The following TSEN2 variants were observed in gnomAD, a reference collection of about 807,000 sequenced individuals.
TSEN2 encodes tRNA splicing endonuclease subunit 2.
In TSEN2, 54 loss-of-function variants were observed where a neutral mutation model predicts 59.2. That is an observed-to-expected ratio of 0.91 (90% confidence interval 0.73 to 1.14). The LOEUF (loss-of-function observed/expected upper bound fraction) is 1.14, where lower values mean the gene tolerates loss of function less well. TSEN2 is among the 50% of genes most tolerant of loss of function. The probability of loss-of-function intolerance (pLI) is 0.00; values close to 1 mark genes in which losing one functional copy is unlikely to be tolerated. For synonymous variants in TSEN2, 195 were observed against 198.2 expected (o/e 0.98, Z 0.14); for missense variants, 636 against 576.2 (o/e 1.10, Z -1.06).
chr3:12,523,253 T>G (rs1172206531), intron 8 of TSEN2, among the ~76,000 whole-genome samples: 1 of 152,168 alleles, frequency 6.6e-6, no homozygotes, highest in Non-Finnish European at 1.5e-5. Context: ...CTAAGCCTCC[T>G]TCCCAGCCAA....
chr3:12,515,941 A>G lies in TSEN2; in HGVS notation c.910-670A>G, dbSNP rs548608832. On this transcript the variant is annotated intron_variant, in intron 6 of 11. Transcript: ENST00000284995. Reference sequence around the variant, plus strand: ...TTTAATTTTACAGGGAGAAACTCCAATGAGCAACAGTTTCTATTGCTATAG... The same window carrying G: ...TTTAATTTTACAGGGAGAAACTCCAGTGAGCAACAGTTTCTATTGCTATAG... Among the ~76,000 whole-genome samples, 8 of 152,290 alleles carry G rather than the reference A, an allele frequency of 5.3e-5. No individual in the cohort carries two copies. In the South Asian group the frequency reaches 1.0e-3, roughly 20 times the overall value.
Position 12,532,833 on chromosome 3 carries a change from C to A in TSEN2, c.*112C>A. On this transcript the variant is annotated 3_prime_UTR_variant, in exon 12 of 12. Coordinates refer to ENST00000284995, the MANE Select transcript of TSEN2 (RefSeq NM_025265.4). ...TTCATAAGTTTTAAAGGGCATGGTG[C>A]TCCCAGCACCAGAAAACTATCAGTG... 2 of 969,702 alleles carry A rather than the reference C, an allele frequency of 2.1e-6. No homozygotes were observed. The highest frequency in any genetic ancestry group is 3.3e-6 in the Non-Finnish European group (2 of 615,280). 60.1% of individuals were successfully genotyped at this position (969,702 alleles called of 1,614,324 possible). A position where few individuals can be genotyped will look rare whatever the true frequency, so the allele number is the denominator to read the frequency against.
Position 12,503,538 on chromosome 3 carries a change from G to A in TSEN2, c.585G>A (p.Glu195=). 1 of 1,612,442 alleles carries A rather than the reference G, an allele frequency of 6.2e-7. No individual in the cohort carries two copies. Among genetic ancestry groups the A allele is most frequent in the Non-Finnish European group, 8.5e-7 (1 of 1,178,558 alleles). ...DPREPLGCLQ[E]GSGCHPTTES... The stretch of plus-strand genomic sequence containing the variant: ...GTGAGCCATTAGGCTGCCTGCAGGA[G>A]GGCTCTGGCTGCCACCCAACAACAG... Residue 195 remains glutamate (E), a synonymous_variant, in exon 5 of 12, where the codon GAG becomes GAA. Transcript: ENST00000284995.
At chr3:12,534,027 T>C (rs1456102704), downstream of TSEN2, among the ~76,000 whole-genome samples, 6 of 152,138 alleles carry the variant, frequency 3.9e-5, no homozygotes, top group East Asian at 1.2e-3. Context: ...CTACCAGTCA[T>C]GCACGTGGAG....
downstream of TSEN2, among the ~76,000 whole-genome samples, chr3:12,534,944 C>A (rs1467019830): frequency 1.3e-5 from 2 of 151,924 alleles, no homozygotes; most frequent in African/African-American, 4.8e-5. Context: ...GCACTCCAGC[C>A]TGGGGGCAGA....
intron 10 of TSEN2, chr3:12,531,285 A>G: frequency 2.8e-6 from 1 of 363,164 alleles, no homozygotes; most frequent in East Asian, 5.6e-5. Context: ...GAACCTATCA[A>G]GGACATTTGA....
At chr3:12,510,741 T>G (rs992749386) in intron 6 of TSEN2, among the ~76,000 whole-genome samples, 6 of 152,166 alleles carry the variant, frequency 3.9e-5, no homozygotes, top group Non-Finnish European at 7.3e-5. Flanking sequence ...TAGAATTTTG[T>G]GGTTATTTTT....
rs187627297 is a variant in TSEN2, at chr3:12,532,982, C to T, written c.*261C>T. On this transcript the variant is annotated 3_prime_UTR_variant, in exon 12 of 12. Transcript: ENST00000284995. Reference sequence around the variant, plus strand: ...CCTGCCTCTGGCGTCAGTCTTTTCCCTCATCCACTCACTGGGGAGATTGGA... The same window carrying T: ...CCTGCCTCTGGCGTCAGTCTTTTCCTTCATCCACTCACTGGGGAGATTGGA... 177 of 544,930 alleles carry T rather than the reference C, an allele frequency of 3.2e-4. No homozygotes were observed. Among genetic ancestry groups the T allele is most frequent in the African/African-American group, 3.0e-3 (161 of 52,798 alleles). 33.8% of individuals were successfully genotyped at this position (544,930 alleles called of 1,614,324 possible). A position where few individuals can be genotyped will look rare whatever the true frequency, so the allele number is the denominator to read the frequency against.
chr3:12,500,481 G>A (rs2054185155), intron 4 of TSEN2, among the ~76,000 whole-genome samples: 2 of 152,210 alleles, frequency 1.3e-5, no homozygotes, highest in Non-Finnish European at 1.5e-5. Flanking sequence ...TTAGCTCAGA[G>A]CCACACGGAA....
rs1335751042 is a variant in TSEN2 at position 12,516,732 on chromosome 3, T to C, written c.960+71T>C. Reference sequence around the variant, plus strand: ...GTTAAAAGCAGGTTGTACTAATTTCTATATTGCATTAATACAAATGTTTCT... The same window carrying C: ...GTTAAAAGCAGGTTGTACTAATTTCCATATTGCATTAATACAAATGTTTCT... On this transcript the variant is annotated intron_variant, in intron 7 of 11. Coordinates refer to ENST00000284995, the MANE Select transcript of TSEN2 (RefSeq NM_025265.4). The C allele has an allele frequency of 2.0e-4, 262 of 1,321,124 alleles. 1 individual carries two copies. Among genetic ancestry groups the C allele is most frequent in the Non-Finnish European group, 1.9e-5 (17 of 914,836 alleles). 81.8% of individuals were successfully genotyped at this position (1,321,124 alleles called of 1,614,324 possible).
At chr3:12,511,510 A>T (rs2055452437) in intron 6 of TSEN2, among the ~76,000 whole-genome samples, 3 of 151,976 alleles carry the variant, frequency 2.0e-5, no homozygotes, top group Admixed American at 6.6e-5. Flanking sequence ...ACCAAAATAA[A>T]TTTCAGGTCA....
At chr3:12,510,559 C>T (rs373452515) in intron 6 of TSEN2, among the ~76,000 whole-genome samples, 1 of 152,168 alleles carries the variant, frequency 6.6e-6, no homozygotes, top group African/African-American at 2.4e-5. Flanking sequence ...CAGCTCTCCT[C>T]GTGCCTGACA....
At chr3:12,517,349 C>T (rs1167684915) in intron 7 of TSEN2, among the ~76,000 whole-genome samples, 1 of 27,494 alleles carries the variant, frequency 3.6e-5, no homozygotes, top group African/African-American at 1.4e-3. Flanking sequence ...CAGACCGAGA[C>T]TCTGTCTCAA....
At chr3:12,517,607 G>T (rs2056264450) in intron 7 of TSEN2, among the ~76,000 whole-genome samples, 1 of 152,192 alleles carries the variant, frequency 6.6e-6, no homozygotes, top group African/African-American at 2.4e-5. Flanking sequence ...GGTATATTCT[G>T]TTTGGCTCTT....
At chr3:12,490,237 A>G (rs1027947792) in intron 2 of TSEN2, among the ~76,000 whole-genome samples, 3 of 151,640 alleles carry the variant, frequency 2.0e-5, no homozygotes, top group Non-Finnish European at 4.4e-5. Context: ...AGTAGGTTCA[A>G]TGGATTGACT....
chr3:12,521,872 G>A (rs1270491641), intron 8 of TSEN2, among the ~76,000 whole-genome samples: 29 of 152,178 alleles, frequency 1.9e-4, no homozygotes, highest in African/African-American at 5.3e-4. Flanking sequence ...TTAGCCAGAC[G>A]TGGTGGCAGG....
intron 7 of TSEN2, among the ~76,000 whole-genome samples, chr3:12,517,347 G>A (rs920817279): frequency 3.5e-5 from 1 of 28,432 alleles, no homozygotes; most frequent in African/African-American, 1.2e-3. Context: ...GACAGACCGA[G>A]ACTCTGTCTC....
intron 6 of TSEN2, 143 bp from the exon 7 acceptor site, chr3:12,516,468 G>A: frequency 2.9e-6 from 2 of 696,472 alleles, no homozygotes; most frequent in East Asian, 2.7e-5. Flanking sequence ...GTGTGTGTGT[G>A]TGTGTGTGTG....
At chr3:12,502,477 A>G (rs540578382) in intron 4 of TSEN2, among the ~76,000 whole-genome samples, 3 of 152,240 alleles carry the variant, frequency 2.0e-5, no homozygotes, top group African/African-American at 7.2e-5. Flanking sequence ...CAGAGGTTAC[A>G]GTGAGCCGAA....
Sources: gnomAD v4.1 joint callset for allele counts (sites outside exome capture counted in the v4.1 genomes callset) on GRCh38, gnomAD v4.1.1 for gene constraint, MANE v1.5 for transcripts, NCBI Gene and HGNC (gene_info 2026-07-23, HGNC 2026-07-21) for gene names.